The following TRMT9B variants were observed in gnomAD, a reference collection of about 807,000 sequenced individuals.
The protein encoded by TRMT9B is tRNA methyltransferase 9B (putative), also known as probable tRNA methyltransferase 9B.
A neutral mutation model predicts 11.5 loss-of-function variants in TRMT9B; 16 were observed. The ratio of observed to expected loss-of-function variants is 1.39; its 90% confidence interval spans 0.94 to 2.11. The LOEUF is 2.11. TRMT9B is among the 30% of genes most tolerant of loss of function. TRMT9B has a pLI of 0.00. For synonymous variants in TRMT9B, 274 were observed against 192.4 expected, an observed-to-expected ratio of 1.42 and a Z score of -3.51; for missense variants, 941 against 553.8, an observed-to-expected ratio of 1.70 and a Z score of -7.02.
Position 13,027,439 on chromosome 8 carries a change from C to G in TRMT9B, c.*5395C>G, listed in dbSNP as rs769004047. ...CTAGACGTATTAACATCCTATAGCG[C>G]ACGTGTTCTGTGGGATATATTTCAG... On this transcript the variant is annotated 3_prime_UTR_variant, in exon 5 of 5. Transcript: ENST00000524591. The G allele has an allele frequency of 1.2e-5, 2 of 167,042 alleles. No homozygotes were observed. Among genetic ancestry groups the G allele is most frequent in the African/African-American group, 4.8e-5 (2 of 41,438 alleles). The allele number at this position is 167,042 out of a possible 1,614,324, so 10.3% of individuals were successfully genotyped here.
At chr8:12,979,998 C>T (rs34428414) in intron 1 of TRMT9B, among the ~76,000 whole-genome samples, 4 of 151,990 alleles carry the variant, frequency 2.6e-5, no homozygotes, top group African/African-American at 2.4e-5. Flanking sequence ...TTGAATGACC[C>T]GTTTTGCATT....
intron 1 of TRMT9B, among the ~76,000 whole-genome samples, chr8:12,982,605 T>A (rs1805593846): frequency 6.6e-6 from 1 of 151,474 alleles, no homozygotes. Flanking sequence ...GAGGTTGCAG[T>A]GAGCCGAGAT....
intron 3 of TRMT9B, among the ~76,000 whole-genome samples, chr8:13,009,654 A>G (rs763359740): frequency 6.6e-5 from 10 of 152,326 alleles, no homozygotes; most frequent in Non-Finnish European, 1.2e-4. Flanking sequence ...GTAGTATACT[A>G]TAAAAACAAT....
intron 1 of TRMT9B, among the ~76,000 whole-genome samples, chr8:12,966,290 CG>C (rs1585119307): frequency 6.6e-6 from 1 of 152,166 alleles, no homozygotes; most frequent in African/African-American, 2.4e-5. Flanking sequence ...AGGGTGTGGG[CG>C]GGGGGAAGAA....
chr8:13,010,107 T>A (rs1811311078), intron 3 of TRMT9B, among the ~76,000 whole-genome samples: 2 of 151,164 alleles, frequency 1.3e-5, no homozygotes, highest in South Asian at 4.2e-4. Context: ...CACTGCATTC[T>A]AGCCTGGGTG....
chr8:12,984,618 G>A (rs936763221), intron 1 of TRMT9B, among the ~76,000 whole-genome samples: 5 of 152,156 alleles, frequency 3.3e-5, no homozygotes, highest in Admixed American at 1.3e-4. Context: ...TAGCAGAGCA[G>A]TCTTCTTCCA....
chr8:12,987,389 A>G (rs1327873624), intron 1 of TRMT9B, among the ~76,000 whole-genome samples: 7 of 152,182 alleles, frequency 4.6e-5, no homozygotes, highest in African/African-American at 1.4e-4. Context: ...TGAAAATATT[A>G]TAAGTCAAAA....
At chr8:12,950,208 T>C (rs1456184514) in intron 1 of TRMT9B, among the ~76,000 whole-genome samples, 2 of 152,174 alleles carry the variant, frequency 1.3e-5, no homozygotes, top group African/African-American at 2.4e-5. Context: ...CCAGGATGCC[T>C]TCCCTGACAA....
At chr8:13,010,943 A>C in intron 3 of TRMT9B, 1 of 904,150 alleles carries the variant, frequency 1.1e-6, no homozygotes, top group Non-Finnish European at 1.3e-6. Flanking sequence ...CATAGAAATA[A>C]TATGGTCACA....
intron 1 of TRMT9B, among the ~76,000 whole-genome samples, chr8:12,968,571 A>G (rs1035919818): frequency 7.9e-5 from 12 of 152,146 alleles, no homozygotes; most frequent in Non-Finnish European, 1.5e-4. Flanking sequence ...CTGGAATCTT[A>G]AGAGAGTGAC....
chr8:12,954,482 T>A (rs1338855509), intron 1 of TRMT9B, among the ~76,000 whole-genome samples: 1 of 152,244 alleles, frequency 6.6e-6, no homozygotes, highest in Non-Finnish European at 1.5e-5. Context: ...CTGTTCTCAT[T>A]TGTGTTTTTA....
chr8:12,996,593 C>T (rs1808382858), intron 2 of TRMT9B, among the ~76,000 whole-genome samples: 1 of 152,142 alleles, frequency 6.6e-6, no homozygotes, highest in East Asian at 1.9e-4. Flanking sequence ...GGCATTCATC[C>T]CTCATGGGAA....
intron 2 of TRMT9B, among the ~76,000 whole-genome samples, chr8:12,994,632 T>G (rs1400319728): frequency 6.6e-6 from 1 of 152,242 alleles, no homozygotes; most frequent in African/African-American, 2.4e-5. Context: ...TGGGGAACCC[T>G]TGAATTGATT....
At chr8:12,996,146 G>C (rs757759131) in intron 2 of TRMT9B, among the ~76,000 whole-genome samples, 29 of 152,164 alleles carry the variant, frequency 1.9e-4, no homozygotes, top group Non-Finnish European at 3.2e-4. Context: ...ATTGAGATCA[G>C]TAATCCTCAT....
intron 3 of TRMT9B, among the ~76,000 whole-genome samples, chr8:13,008,787 G>A (rs769710379): frequency 3.9e-5 from 6 of 152,056 alleles, no homozygotes; most frequent in Non-Finnish European, 7.4e-5. Context: ...GGAGTGCAGG[G>A]GCGCCATCTC....
At chr8:12,970,548 C>T (rs927048107) in intron 1 of TRMT9B, among the ~76,000 whole-genome samples, 3 of 152,242 alleles carry the variant, frequency 2.0e-5, no homozygotes, top group East Asian at 3.8e-4. Context: ...TACAGATTTA[C>T]ATCAGTGAAA....
At chr8:13,003,712 A>G (rs1809884501) in intron 2 of TRMT9B, among the ~76,000 whole-genome samples, 1 of 151,632 alleles carries the variant, frequency 6.6e-6, no homozygotes, top group South Asian at 2.1e-4. Context: ...GAAGGTAAGA[A>G]CTGAGGGGGA....
chr8:13,012,810 A>T lies in TRMT9B; in HGVS notation c.281A>T (p.Asn94Ile), dbSNP rs1811901358. The part of the protein sequence containing the change: ...GCEAMVCDNL[N>I]LPFRDEGFDA... ...GAAGCCATGGTATGTGACAACCTTA[A>T]TCTCCCCTTTAGGGATGAGGGCTTC... The change falls in exon 4 of 5, where the codon AAT becomes ATT. Residue 94 changes from asparagine to isoleucine, a missense_variant. Asn to Ile is a moderately radical substitution (Grantham distance 149, BLOSUM62 -3). Transcript: ENST00000524591. The T allele has an allele frequency of 1.2e-6, 2 of 1,613,756 alleles. No individual in the cohort carries two copies. The highest frequency in any genetic ancestry group is 1.7e-6 in the Non-Finnish European group (2 of 1,179,870).
rs505480 is a variant in TRMT9B, at chr8:13,021,334, C to T, written c.655C>T (p.Pro219Ser). 2 of 1,613,854 alleles carry T rather than the reference C, an allele frequency of 1.2e-6. No homozygotes were observed. Among genetic ancestry groups the T allele is most frequent in the Non-Finnish European group, 8.5e-7 (1 of 1,179,888 alleles). Residue 219 changes from proline to serine, a missense_variant, in exon 5 of 5, where the codon CCT becomes TCT. Coordinates refer to ENST00000524591, the MANE Select transcript of TRMT9B (RefSeq NM_020844.3). The part of the protein sequence containing the change: ...SKRSHSVGYE[P>S]AMARTCFANI... Reference sequence around the variant, plus strand: ...ACGGTCCCACAGCGTGGGCTATGAACCTGCTATGGCAAGAACCTGTTTTGC... The same window carrying T: ...ACGGTCCCACAGCGTGGGCTATGAATCTGCTATGGCAAGAACCTGTTTTGC...
Sources: allele counts gnomAD v4.1 joint callset (sites outside exome capture counted in the v4.1 genomes callset), GRCh38; gene constraint gnomAD v4.1.1; transcripts MANE v1.5; gene names NCBI Gene and HGNC (gene_info 2026-07-23, HGNC 2026-07-21).